BRINP2: variants seen among roughly 807,000 people sequenced by gnomAD.
BRINP2 encodes the protein BMP/retinoic acid inducible neural specific 2.
BRINP2 carries 21 observed loss-of-function variants against 69.2 expected under a neutral mutation model. The observed-to-expected ratio is 0.30, with a 90% confidence interval of 0.22 to 0.44. The LOEUF (loss-of-function observed/expected upper bound fraction) is 0.44, where lower values mean the gene tolerates loss of function less well. BRINP2 is among the 20% of genes least tolerant of loss of function. BRINP2 has a pLI of 1.00. For synonymous variants in BRINP2, 380 were observed against 394.1 expected (o/e 0.96, Z 0.42); for missense variants, 877 against 986.0 (o/e 0.89, Z 1.48).
chr1:177,221,843 C>A (rs528560393), intron 1 of BRINP2, among the ~76,000 whole-genome samples: 2 of 152,284 alleles, frequency 1.3e-5, no homozygotes, highest in Non-Finnish European at 2.9e-5. Context: ...ATAATCAATG[C>A]ACAGAGCTTT....
At chr1:177,276,167 C>T in intron 5 of BRINP2, 31 bp from the exon 6 acceptor site, 1 of 1,589,374 alleles carries the variant, frequency 6.3e-7, no homozygotes, top group South Asian at 1.1e-5. Context: ...CTGGTTCTTC[C>T]CAGAGATTCC....
intron 5 of BRINP2, among the ~76,000 whole-genome samples, chr1:177,275,602 T>C (rs1431733284): frequency 6.6e-6 from 1 of 152,176 alleles, no homozygotes; most frequent in Non-Finnish European, 1.5e-5. Flanking sequence ...TTTGCAATCA[T>C]ATATAAAAAG....
chr1:177,258,944 T>C (rs1650855031), intron 4 of BRINP2, among the ~76,000 whole-genome samples: 1 of 152,144 alleles, frequency 6.6e-6, no homozygotes, highest in South Asian at 2.1e-4. Flanking sequence ...ATTATTAACC[T>C]TAGTGGCTTC....
At chr1:177,190,054 T>G (rs576779781) in intron 1 of BRINP2, among the ~76,000 whole-genome samples, 3 of 152,168 alleles carry the variant, frequency 2.0e-5, no homozygotes, top group African/African-American at 4.8e-5. Context: ...CAGTTAACAA[T>G]GGACAGGGCC....
At chr1:177,212,917 C>T (rs1649270322) in intron 1 of BRINP2, among the ~76,000 whole-genome samples, 1 of 152,208 alleles carries the variant, frequency 6.6e-6, no homozygotes, top group Admixed American at 6.5e-5. Context: ...CCACTGGGCA[C>T]TACTGGGTAT....
intron 1 of BRINP2, among the ~76,000 whole-genome samples, chr1:177,191,349 G>A (rs1480930723): frequency 6.6e-6 from 1 of 152,166 alleles, no homozygotes; most frequent in Non-Finnish European, 1.5e-5. Context: ...ATAAAACTCT[G>A]GAGAACATGA....
intron 4 of BRINP2, among the ~76,000 whole-genome samples, chr1:177,271,144 G>C (rs1651313572): frequency 6.6e-6 from 1 of 152,186 alleles, no homozygotes; most frequent in African/African-American, 2.4e-5. Context: ...TTGAATATTT[G>C]TTAAATGAGC....
intron 2 of BRINP2, among the ~76,000 whole-genome samples, chr1:177,243,379 C>T (rs1255939447): frequency 6.6e-6 from 1 of 152,002 alleles, no homozygotes; most frequent in African/African-American, 2.4e-5. Flanking sequence ...AGGTATTCTC[C>T]CTGTAGAGCA....
intron 1 of BRINP2, among the ~76,000 whole-genome samples, chr1:177,229,163 A>C (rs961967306): frequency 2.6e-5 from 4 of 152,178 alleles, no homozygotes; most frequent in African/African-American, 9.7e-5. Context: ...TCAGTAAAAG[A>C]GTAGATCAGA....
chr1:177,256,961 C>T lies in BRINP2; in HGVS notation c.461-215C>T. ...ATAAGCTGAGGGCAGGGGGACTGAG[C>T]TTTGGAAGAGGGCCTTTCAGGCAGC... On this transcript the variant is annotated intron_variant, in intron 3 of 7. Transcript: ENST00000361539. The T allele has an allele frequency of 3.5e-6, 5 of 1,443,302 alleles. No homozygotes were observed. The East Asian group carries it at 8.3e-5, about 24-fold the overall frequency. 89.4% of individuals were successfully genotyped at this position (1,443,302 alleles called of 1,614,324 possible). A position where few individuals can be genotyped will look rare whatever the true frequency, so the allele number is the denominator to read the frequency against.
At chr1:177,216,815 A>G (rs564531703) in intron 1 of BRINP2, among the ~76,000 whole-genome samples, 22 of 143,946 alleles carry the variant, frequency 1.5e-4, no homozygotes, top group African/African-American at 5.7e-4. Context: ...CACTTTGAAT[A>G]TATCATCCAA....
intron 4 of BRINP2, among the ~76,000 whole-genome samples, chr1:177,260,549 C>T (rs1650913221): frequency 6.6e-6 from 1 of 152,054 alleles, no homozygotes; most frequent in Non-Finnish European, 1.5e-5. Context: ...AGGAAGAGTC[C>T]ATTGATGCAG....
At chr1:177,192,611 T>C (rs1393936670) in intron 1 of BRINP2, among the ~76,000 whole-genome samples, 1 of 152,214 alleles carries the variant, frequency 6.6e-6, no homozygotes, top group Admixed American at 6.5e-5. Flanking sequence ...CTCCCTGGTA[T>C]AGATGAGTTT....
At chr1:177,227,108 A>C (rs1649716893) in intron 1 of BRINP2, among the ~76,000 whole-genome samples, 1 of 152,212 alleles carries the variant, frequency 6.6e-6, no homozygotes, top group Admixed American at 6.5e-5. Flanking sequence ...CAACCAGATC[A>C]TGGGAGTGAC....
At chr1:177,275,903 A>G (rs917000986) in intron 5 of BRINP2, among the ~76,000 whole-genome samples, 1 of 152,232 alleles carries the variant, frequency 6.6e-6, no homozygotes, top group African/African-American at 2.4e-5. Flanking sequence ...TGTGTAGCCA[A>G]TAAGCCTGTT....
chr1:177,214,068 TCAAA>T (rs1458653282), intron 1 of BRINP2, among the ~76,000 whole-genome samples: 1 of 152,182 alleles, frequency 6.6e-6, no homozygotes, highest in African/African-American at 2.4e-5. Flanking sequence ...ACAAGGACCT[TCAAA>T]CAGTGTCCAA....
chr1:177,256,149 C>A (rs758390236), intron 3 of BRINP2, 40 bp downstream of exon 3: 1 of 1,597,944 alleles, frequency 6.3e-7, no homozygotes. Context: ...GGTTGCCAGA[C>A]CATTGGAAAT....
At chr1:177,265,245 C>T (rs1032187456) in intron 4 of BRINP2, among the ~76,000 whole-genome samples, 2 of 152,146 alleles carry the variant, frequency 1.3e-5, no homozygotes, top group Admixed American at 1.3e-4. Flanking sequence ...GGAAAACTGG[C>T]TAGCCTTATG....
At chr1:177,262,375 G>A (rs1289935164) in intron 4 of BRINP2, among the ~76,000 whole-genome samples, 1 of 152,088 alleles carries the variant, frequency 6.6e-6, no homozygotes, top group African/African-American at 2.4e-5. Flanking sequence ...AGCTGGGCAA[G>A]GTGGTGCACC....
Sources: allele counts gnomAD v4.1 joint callset (sites outside exome capture counted in the v4.1 genomes callset), GRCh38; gene constraint gnomAD v4.1.1; transcripts MANE v1.5; gene names NCBI Gene and HGNC (gene_info 2026-07-23, HGNC 2026-07-21).